The following RPS6KA2 variants were observed in gnomAD, a reference collection of about 807,000 sequenced individuals.
RPS6KA2 encodes ribosomal protein S6 kinase alpha-2.
A neutral mutation model predicts 91.8 loss-of-function variants in RPS6KA2; 42 were observed. That is an observed-to-expected ratio of 0.46 (90% CI 0.36 to 0.59). The LOEUF (loss-of-function observed/expected upper bound fraction) is 0.59. RPS6KA2 is among the 20% of genes least tolerant of loss of function. The probability of loss-of-function intolerance (pLI) is 0.00; values close to 1 mark genes in which losing one functional copy is unlikely to be tolerated. For synonymous variants in RPS6KA2, 414 were observed against 393.6 expected, an observed-to-expected ratio of 1.05 and a Z score of -0.61; for missense variants, 798 against 978.5, an observed-to-expected ratio of 0.82 and a Z score of 2.46.
intron 14 of RPS6KA2, among the ~76,000 whole-genome samples, chr6:166,446,384 C>A (rs1309115089): frequency 6.6e-6 from 1 of 152,114 alleles, no homozygotes; most frequent in Non-Finnish European, 1.5e-5. Context: ...ACATTATTAC[C>A]CACTGTAGTC....
intron 8 of RPS6KA2, among the ~76,000 whole-genome samples, chr6:166,496,934 G>T (rs532997413): frequency 6.6e-6 from 1 of 152,326 alleles, no homozygotes; most frequent in Middle Eastern, 3.4e-3. Flanking sequence ...CTGCACCAGC[G>T]TGGGAGGTCT....
chr6:166,536,195 G>C (rs779812258), intron 2 of RPS6KA2, among the ~76,000 whole-genome samples: 3 of 152,180 alleles, frequency 2.0e-5, no homozygotes, highest in Non-Finnish European at 4.4e-5. Flanking sequence ...TCGGCTCCCA[G>C]GCAAGGCCTG....
chr6:166,729,390 C>T (rs1020704517), intron 2 of RPS6KA2, among the ~76,000 whole-genome samples: 4 of 152,216 alleles, frequency 2.6e-5, no homozygotes, highest in Admixed American at 6.5e-5. Flanking sequence ...CTCTGTCACC[C>T]AGACTGGAGT....
chr6:166,546,698 T>A lies in RPS6KA2; in HGVS notation c.100-7914A>T, dbSNP rs1271044978. Among the ~76,000 whole-genome samples, 4 of 152,208 alleles carry A rather than the reference T, an allele frequency of 2.6e-5. No individual in the cohort carries two copies. The East Asian group carries it at 7.7e-4, about 29-fold the overall frequency. Reference sequence around the variant, plus strand: ...AGCAGAAAAGGGAAAATAGAAATTCTACAACTATCATCTTCTCCCAGACTC... The same window carrying A: ...AGCAGAAAAGGGAAAATAGAAATTCAACAACTATCATCTTCTCCCAGACTC... On this transcript the variant is annotated intron_variant, in intron 1 of 20. Coordinates refer to ENST00000265678, the MANE Select transcript of RPS6KA2 (RefSeq NM_021135.6).
intron 2 of RPS6KA2, among the ~76,000 whole-genome samples, chr6:166,768,431 A>G (rs932304827): frequency 1.3e-5 from 2 of 152,164 alleles, no homozygotes; most frequent in Non-Finnish European, 2.9e-5. Context: ...TGTTAGTGCC[A>G]CCCACGCTTC....
intron 2 of RPS6KA2, among the ~76,000 whole-genome samples, chr6:166,855,482 AAG>A (rs1170950684): frequency 1.9e-4 from 13 of 68,270 alleles, no homozygotes; most frequent in Non-Finnish European, 2.4e-4. Context: ...GAGGAAGAAG[AAG>A]AAGAGGAAGA....
intron 10 of RPS6KA2, among the ~76,000 whole-genome samples, chr6:166,488,444 T>C (rs1322022585): frequency 6.6e-6 from 1 of 152,238 alleles, no homozygotes; most frequent in African/African-American, 2.4e-5. Flanking sequence ...AAGTAGATCC[T>C]GATTTTAATA....
intron 2 of RPS6KA2, among the ~76,000 whole-genome samples, chr6:166,761,155 C>T (rs1418649633): frequency 6.6e-6 from 1 of 152,138 alleles, no homozygotes; most frequent in Non-Finnish European, 1.5e-5. Flanking sequence ...CCTCCGCCTC[C>T]CGGGTTCAAG....
chr6:166,719,044 C>T (rs1009866579), intron 2 of RPS6KA2, among the ~76,000 whole-genome samples: 1 of 152,202 alleles, frequency 6.6e-6, no homozygotes, highest in Admixed American at 6.5e-5. Flanking sequence ...TCTACATGTA[C>T]AGGTAGCAAA....
intron 2 of RPS6KA2, among the ~76,000 whole-genome samples, chr6:166,714,628 G>A (rs771902434): frequency 9.2e-5 from 14 of 152,298 alleles, no homozygotes; most frequent in East Asian, 3.9e-4. Flanking sequence ...AGGCAGAGGC[G>A]GGGCAATGCG....
chr6:166,832,177 C>T (rs9355598), intron 2 of RPS6KA2, among the ~76,000 whole-genome samples: 103,384 of 151,960 alleles, frequency 0.68, 35,284 homozygotes, highest in Middle Eastern at 0.75. Context: ...TGAAAGTGAC[C>T]TGGGAGTATT....
At chr6:166,609,593 G>A (rs1316889641) in intron 1 of RPS6KA2, among the ~76,000 whole-genome samples, 1 of 150,880 alleles carries the variant, frequency 6.6e-6, no homozygotes, top group Non-Finnish European at 1.5e-5. Context: ...TCCGCCTCCT[G>A]GGTTCAAGCA....
intron 1 of RPS6KA2, among the ~76,000 whole-genome samples, chr6:166,589,361 T>A (rs1785285178): frequency 1.3e-5 from 2 of 152,246 alleles, no homozygotes; most frequent in African/African-American, 4.8e-5. Flanking sequence ...CAGCACTAAG[T>A]ATGCACTTTT....
chr6:166,412,658 C>T lies in RPS6KA2; in HGVS notation c.*104G>A. ...CACGGCGAGGGCGGGCGCCGCCTCC[C>T]TGCTGGACTTGTGGTCACTCTGGGT... On this transcript the variant is annotated 3_prime_UTR_variant, in exon 21 of 21. Transcript: ENST00000265678. The surrounding 1 kb of genome is among the most constrained non-coding windows in gnomAD (Gnocchi z 4.3). 1 of 1,226,328 alleles carries T rather than the reference C, an allele frequency of 8.2e-7. No individual in the cohort carries two copies. Among genetic ancestry groups the T allele is most frequent in the Non-Finnish European group, 1.1e-6 (1 of 902,008 alleles). The allele number at this position is 1,226,328 out of a possible 1,614,324, so 76.0% of individuals were successfully genotyped here. A position where few individuals can be genotyped will look rare whatever the true frequency, so the allele number is the denominator to read the frequency against.
chr6:166,510,446 C>A (rs1583223174), intron 3 of RPS6KA2, 89 bp from the exon 4 acceptor site: 2 of 767,834 alleles, frequency 2.6e-6, no homozygotes, highest in Non-Finnish European at 4.0e-6. Flanking sequence ...ATAATTCCCG[C>A]CAACTTTTCA....
At chr6:166,642,130 G>GA (rs571804441) in intron 2 of RPS6KA2, among the ~76,000 whole-genome samples, 27 of 148,160 alleles carry the variant, frequency 1.8e-4, no homozygotes, top group Middle Eastern at 3.4e-3. Context: ...ACCAAAAACC[G>GA]AAAAAAAAAA....
At chr6:166,480,514 T>TATATATATATAAATAA (rs1554279395) in intron 10 of RPS6KA2, among the ~76,000 whole-genome samples, 2 of 110,762 alleles carry the variant, frequency 1.8e-5, no homozygotes, top group Admixed American at 9.7e-5. Context: ...TATATATATA[T>TATATATATATAAATAA]AATATATTTT....
chr6:166,579,238 C>T (rs1674849156), intron 1 of RPS6KA2, among the ~76,000 whole-genome samples: 1 of 152,028 alleles, frequency 6.6e-6, no homozygotes, highest in Non-Finnish European at 1.5e-5. Context: ...TTTTTGAGTG[C>T]CATTATGATA....
At chr6:166,534,271 AG>A (rs1562562892) in intron 2 of RPS6KA2, among the ~76,000 whole-genome samples, 1 of 146,962 alleles carries the variant, frequency 6.8e-6, no homozygotes, top group Non-Finnish European at 1.5e-5. Flanking sequence ...AAATTAGTTG[AG>A]TGTGGTGGTT....
Sources: gnomAD v4.1 joint callset for allele counts (sites outside exome capture counted in the v4.1 genomes callset) on GRCh38, gnomAD v4.1.1 for gene constraint, Gnocchi (gnomAD v3.1) non-coding constraint, MANE v1.5 for transcripts, NCBI Gene and HGNC (gene_info 2026-07-23, HGNC 2026-07-21) for gene names.